Variants in GPC5 observed in about 807,000 individuals in gnomAD.
GPC5 encodes glypican 5.
Under a neutral mutation model 53.9 loss-of-function variants are expected in GPC5, and 47 were observed. The ratio of observed to expected loss-of-function variants is 0.87; its 90% CI spans 0.69 to 1.11. The LOEUF is 1.11. Ranked by LOEUF, GPC5 falls within the 50% of genes most tolerant of loss-of-function variation. The pLI is 0.00. For synonymous variants in GPC5, 286 were observed against 263.3 expected, an observed-to-expected ratio of 1.09 and a Z score of -0.84; for missense variants, 748 against 713.1, an observed-to-expected ratio of 1.05 and a Z score of -0.56.
At chr13:91,709,503 G>A (rs1406153411) in intron 3 of GPC5, among the ~76,000 whole-genome samples, 1 of 151,892 alleles carries the variant, frequency 6.6e-6, no homozygotes, top group Non-Finnish European at 1.5e-5. Context: ...CTCTCCCCTG[G>A]CCATCCTCCC....
At chr13:92,356,281 G>A (rs888744782) in intron 7 of GPC5, among the ~76,000 whole-genome samples, 3 of 152,144 alleles carry the variant, frequency 2.0e-5, no homozygotes, top group Non-Finnish European at 4.4e-5. Context: ...AAGAGATGTG[G>A]GAAATAAGAG....
At chr13:91,668,395 T>A (rs2035167471) in intron 2 of GPC5, among the ~76,000 whole-genome samples, 1 of 152,224 alleles carries the variant, frequency 6.6e-6, no homozygotes, top group Admixed American at 6.5e-5. Flanking sequence ...CCCTTTTATC[T>A]CTCTTAGCCT....
intron 7 of GPC5, chr13:92,241,317 A>G (rs1020274476): frequency 1.3e-5 from 2 of 152,164 alleles, no homozygotes; most frequent in African/African-American, 2.4e-5. Flanking sequence ...GAAATGGAAG[A>G]GACTGGAACT....
intron 6 of GPC5, among the ~76,000 whole-genome samples, chr13:92,092,374 A>C (rs1259814297): frequency 1.3e-5 from 2 of 152,208 alleles, no homozygotes; most frequent in African/African-American, 2.4e-5. Flanking sequence ...ATGCCACCAG[A>C]TGCCTATACT....
intron 2 of GPC5, among the ~76,000 whole-genome samples, chr13:91,543,241 C>T (rs1370724906): frequency 1.3e-5 from 2 of 152,130 alleles, no homozygotes; most frequent in Admixed American, 6.5e-5. Flanking sequence ...GATCCATGCG[C>T]CTTGGCCTCC....
chr13:92,338,117 A>T (rs1300188221), intron 7 of GPC5, among the ~76,000 whole-genome samples: 1 of 152,142 alleles, frequency 6.6e-6, no homozygotes, highest in Non-Finnish European at 1.5e-5. Flanking sequence ...AACAATAAGG[A>T]AACATACAAC....
intron 2 of GPC5, among the ~76,000 whole-genome samples, chr13:91,478,942 C>G (rs1883152793): frequency 8.1e-6 from 1 of 123,180 alleles, no homozygotes; most frequent in Admixed American, 8.5e-5. Context: ...TAGATGCAGT[C>G]TTGTTCTGTT....
At chr13:92,745,605 G>A (rs892691841) in intron 7 of GPC5, among the ~76,000 whole-genome samples, 1 of 152,004 alleles carries the variant, frequency 6.6e-6, no homozygotes, top group Non-Finnish European at 1.5e-5. Context: ...GGGTAAAATA[G>A]CATTTACTTA....
At chr13:92,003,663 C>G (rs966438607) in intron 6 of GPC5, among the ~76,000 whole-genome samples, 4 of 152,116 alleles carry the variant, frequency 2.6e-5, no homozygotes, top group Non-Finnish European at 5.9e-5. Flanking sequence ...TGTAATAGTG[C>G]ACATCCAATC....
At chr13:92,554,665 C>A (rs1183950903) in intron 7 of GPC5, among the ~76,000 whole-genome samples, 12 of 150,156 alleles carry the variant, frequency 8.0e-5, no homozygotes, top group Non-Finnish European at 1.6e-4. Flanking sequence ...GATGCTATTA[C>A]TATGAGGAAA....
chr13:92,443,294 C>T (rs947177992), intron 7 of GPC5, among the ~76,000 whole-genome samples: 4 of 152,180 alleles, frequency 2.6e-5, no homozygotes, highest in Non-Finnish European at 4.4e-5. Context: ...GACCCAAACA[C>T]CTCCCACCAG....
chr13:91,882,667 T>G (rs987944504), intron 5 of GPC5, among the ~76,000 whole-genome samples: 3 of 96,774 alleles, frequency 3.1e-5, no homozygotes, highest in Admixed American at 1.5e-4. Flanking sequence ...GTTTGTTTTT[T>G]GGGTTTTTTT....
intron 2 of GPC5, among the ~76,000 whole-genome samples, chr13:91,690,341 G>C (rs2035731211): frequency 6.6e-6 from 1 of 151,856 alleles, no homozygotes. Flanking sequence ...TTGTTTTAAA[G>C]AATAAAACTG....
Position 92,588,604 on chromosome 13 carries a change from C to T in GPC5, c.1562-277678C>T, listed in dbSNP as rs145893126. On this transcript the variant is annotated intron_variant, in intron 7 of 7. Transcript: ENST00000377067. ...CATCATATAATAACACTGTTAGTCT[C>T]TTTCTAGGCATGTGCCCTGGCCCTG... 1.7e-3 allele frequency among the ~76,000 whole-genome samples: 260 copies of T among 152,300 alleles called. 1 individual carries two copies. The highest frequency in any genetic ancestry group is 6.2e-3 in the African/African-American group (256 of 41,566).
intron 7 of GPC5, among the ~76,000 whole-genome samples, chr13:92,810,104 T>C (rs983241258): frequency 3.9e-5 from 6 of 152,100 alleles, no homozygotes; most frequent in African/African-American, 1.2e-4. Context: ...TAAACTCTCA[T>C]TAATTAAATT....
At chr13:92,162,183 A>C (rs2041994912) in intron 7 of GPC5, among the ~76,000 whole-genome samples, 1 of 151,902 alleles carries the variant, frequency 6.6e-6, no homozygotes, top group Non-Finnish European at 1.5e-5. Flanking sequence ...CATTTAATAC[A>C]AATTTTGCAA....
intron 7 of GPC5, among the ~76,000 whole-genome samples, chr13:92,308,176 C>T (rs183611426): frequency 2.6e-5 from 4 of 152,216 alleles, no homozygotes; most frequent in South Asian, 2.1e-4. Context: ...TCCGGCAAAA[C>T]GATATGATGT....
At chr13:91,682,021 A>G (rs945084641) in intron 2 of GPC5, among the ~76,000 whole-genome samples, 1 of 152,152 alleles carries the variant, frequency 6.6e-6, no homozygotes, top group Non-Finnish European at 1.5e-5. Flanking sequence ...AGAAAATGAT[A>G]GTACGATATG....
At chr13:92,790,087 C>A (rs2138773309) in intron 7 of GPC5, among the ~76,000 whole-genome samples, 1 of 152,248 alleles carries the variant, frequency 6.6e-6, no homozygotes, top group Admixed American at 6.5e-5. Context: ...AGTTCTCTTG[C>A]CTGCTTTATT....
Sources: allele counts gnomAD v4.1 joint callset (sites outside exome capture counted in the v4.1 genomes callset), GRCh38; gene constraint gnomAD v4.1.1; transcripts MANE v1.5; gene names NCBI Gene and HGNC (gene_info 2026-07-23, HGNC 2026-07-21).